The following CLYBL variants were observed in gnomAD, a reference collection of about 807,000 sequenced individuals.
CLYBL encodes the protein citramalyl-CoA lyase, also known as citramalyl-CoA lyase, mitochondrial.
In CLYBL, 31 loss-of-function variants were observed where a neutral mutation model predicts 38.9. The ratio of observed to expected loss-of-function variants is 0.80; its 90% CI spans 0.60 to 1.08. CLYBL has a LOEUF of 1.08. CLYBL is among the 50% of genes least tolerant of loss of function. The pLI is 0.00. For missense variants in CLYBL, 434 were observed against 411.6 expected, an observed-to-expected ratio of 1.05 and a Z score of -0.47; for synonymous variants, 171 against 158.6, an observed-to-expected ratio of 1.08 and a Z score of -0.59.
At chr13:99,722,127 TCC>T (rs2048402378) in intron 1 of CLYBL, among the ~76,000 whole-genome samples, 1 of 152,220 alleles carries the variant, frequency 6.6e-6, no homozygotes, top group Non-Finnish European at 1.5e-5. Flanking sequence ...CAGGCCTCCT[TCC>T]TGTTTCTTTG....
At chr13:99,713,644 A>G (rs925734969) in intron 1 of CLYBL, among the ~76,000 whole-genome samples, 1 of 151,170 alleles carries the variant, frequency 6.6e-6, no homozygotes, top group African/African-American at 2.4e-5. Flanking sequence ...CTGGCCTCAA[A>G]TTTTTATTTT....
At chr13:99,636,789 G>A (rs2047023985) in intron 1 of CLYBL, among the ~76,000 whole-genome samples, 1 of 152,126 alleles carries the variant, frequency 6.6e-6, no homozygotes, top group Admixed American at 6.5e-5. Context: ...AAAAATTAGT[G>A]GTTCTGGATT....
At chr13:99,812,153 G>A (rs926800569) in intron 2 of CLYBL, among the ~76,000 whole-genome samples, 2 of 152,116 alleles carry the variant, frequency 1.3e-5, no homozygotes, top group South Asian at 4.2e-4. Flanking sequence ...TTTTGGGGAG[G>A]GGAGATATTA....
At chr13:99,629,951 G>GTC (rs1330936861) in intron 1 of CLYBL, among the ~76,000 whole-genome samples, 1 of 152,144 alleles carries the variant, frequency 6.6e-6, no homozygotes, top group African/African-American at 2.4e-5. Context: ...TCTGCTAATG[G>GTC]ACCTGTTCAG....
chr13:99,823,409 T>C (rs1160895867), intron 2 of CLYBL, among the ~76,000 whole-genome samples: 1 of 152,186 alleles, frequency 6.6e-6, no homozygotes, highest in Non-Finnish European at 1.5e-5. Context: ...GTATCCATTA[T>C]TACAGGATCA....
chr13:99,721,795 C>A (rs1403554648), intron 1 of CLYBL, among the ~76,000 whole-genome samples: 1 of 152,036 alleles, frequency 6.6e-6, no homozygotes, highest in Non-Finnish European at 1.5e-5. Flanking sequence ...TGACCCTTGG[C>A]GTGGTAGGTT....
intron 1 of CLYBL, among the ~76,000 whole-genome samples, chr13:99,712,331 CTTTTTTTTTT>C (rs766784946): frequency 2.5e-5 from 3 of 120,840 alleles, no homozygotes; most frequent in Admixed American, 1.8e-4. Flanking sequence ...TAGCAATTGA[CTTTTTTTTTT>C]TTTTTTTTTT....
At chr13:99,891,642 T>G (rs932603243) in intron 8 of CLYBL, 37 of 477,478 alleles carry the variant, frequency 7.7e-5, no homozygotes. Context: ...TCATTTTTAG[T>G]GTATTACGAA....
intron 1 of CLYBL, among the ~76,000 whole-genome samples, chr13:99,615,308 C>CT (rs2046691770): frequency 1.3e-5 from 2 of 152,214 alleles, no homozygotes; most frequent in African/African-American, 2.4e-5. Flanking sequence ...TTATGCGGGA[C>CT]TCCCTGTGAG....
Position 99,891,435 on chromosome 13 carries a change from C to G in CLYBL, c.*22C>G. ...ATGATCTGTTAAATGAAGCTGTCATCAGGTGGGCTGAACATATACAGTGGG... is the reference window on the plus strand; with the variant it reads ...ATGATCTGTTAAATGAAGCTGTCATGAGGTGGGCTGAACATATACAGTGGG... On this transcript the variant is annotated splice_region_variant and 3_prime_UTR_variant, in exon 8 of 9. Transcript: ENST00000339105. The G allele has an allele frequency of 1.3e-6, 2 of 1,561,108 alleles. No homozygotes were observed. Among genetic ancestry groups the G allele is most frequent in the Non-Finnish European group, 1.8e-6 (2 of 1,131,768 alleles).
intron 1 of CLYBL, among the ~76,000 whole-genome samples, chr13:99,763,235 C>G (rs1216551782): frequency 6.6e-6 from 1 of 152,134 alleles, no homozygotes; most frequent in Non-Finnish European, 1.5e-5. Context: ...GTGGGTATCC[C>G]TATCTTGTTC....
chr13:99,870,135 A>G (rs1252628751), intron 6 of CLYBL, among the ~76,000 whole-genome samples: 1 of 152,110 alleles, frequency 6.6e-6, no homozygotes, highest in African/African-American at 2.4e-5. Flanking sequence ...TTCTTCTGGG[A>G]TATGTAGGGT....
intron 1 of CLYBL, among the ~76,000 whole-genome samples, chr13:99,692,809 T>C (rs547407685): frequency 6.6e-6 from 1 of 152,336 alleles, no homozygotes; most frequent in Admixed American, 6.5e-5. Context: ...GGACATTTCC[T>C]ATAAATGGGA....
intron 2 of CLYBL, among the ~76,000 whole-genome samples, chr13:99,805,260 T>G (rs781104019): frequency 2.0e-5 from 3 of 152,200 alleles, no homozygotes; most frequent in Non-Finnish European, 4.4e-5. Flanking sequence ...CTGCTTTAAT[T>G]CTTTTGGGTA....
At chr13:99,611,506 T>C (rs2046626169) in intron 1 of CLYBL, among the ~76,000 whole-genome samples, 1 of 152,204 alleles carries the variant, frequency 6.6e-6, no homozygotes, top group Non-Finnish European at 1.5e-5. Context: ...ACCCCACTGA[T>C]TGTGATGTAT....
chr13:99,770,080 CTTTT>C (rs3033589), intron 1 of CLYBL, among the ~76,000 whole-genome samples: 11 of 103,182 alleles, frequency 1.1e-4, no homozygotes, highest in African/African-American at 3.6e-4. Flanking sequence ...TCTTTTCTTT[CTTTT>C]TTTTTTTTTT....
chr13:99,741,741 T>C (rs2048760238), intron 1 of CLYBL, among the ~76,000 whole-genome samples: 2 of 152,220 alleles, frequency 1.3e-5, no homozygotes, highest in Non-Finnish European at 2.9e-5. Flanking sequence ...CCTCCCAAAG[T>C]GCTGGGATTA....
rs1594078628 is a variant in CLYBL at position 99,606,764 on chromosome 13, G to A, written c.62+7G>A. 7.6e-6 allele frequency: 11 copies of A among 1,440,638 alleles called. No individual in the cohort carries two copies. The East Asian group carries it at 3.3e-4, about 43-fold the overall frequency. The allele number at this position is 1,440,638 out of a possible 1,614,324, so 89.2% of individuals were successfully genotyped here. A position where few individuals can be genotyped will look rare whatever the true frequency, so the allele number is the denominator to read the frequency against. ...CGGCGGCGCTGCTGAGGCTGTGAGT[G>A]CAGGTCCCCGTTCCCCGCCTTCCCG... is the stretch of plus-strand genomic sequence containing the variant. On this transcript the variant is annotated splice_region_variant and intron_variant, in intron 1 of 8. Transcript: ENST00000339105.
intron 1 of CLYBL, among the ~76,000 whole-genome samples, chr13:99,705,614 C>G (rs930274500): frequency 6.6e-6 from 1 of 151,866 alleles, no homozygotes; most frequent in African/African-American, 2.4e-5. Context: ...TGCTATAACA[C>G]AGATGAACCT....
Sources: allele counts gnomAD v4.1 joint callset (sites outside exome capture counted in the v4.1 genomes callset), GRCh38; gene constraint gnomAD v4.1.1; transcripts MANE v1.5; gene names NCBI Gene and HGNC (gene_info 2026-07-23, HGNC 2026-07-21).